The following KIAA0825 variants were observed in gnomAD, a reference collection of about 807,000 sequenced individuals.
The protein encoded by KIAA0825 is uncharacterized protein KIAA0825.
Under a neutral mutation model 147.6 loss-of-function variants are expected in KIAA0825, and 119 were observed. The ratio of observed to expected loss-of-function variants is 0.81; its 90% CI spans 0.69 to 0.94. The LOEUF is 0.94. Ranked by LOEUF, KIAA0825 falls within the 40% of genes least tolerant of loss-of-function variation. KIAA0825 has a pLI of 0.00. For synonymous variants in KIAA0825, 470 were observed against 518.1 expected (o/e 0.91, Z 1.26); for missense variants, 1,381 against 1,472.7 (o/e 0.94, Z 1.02).
At chr5:94,553,832 C>T (rs537739798) in intron 2 of KIAA0825, among the ~76,000 whole-genome samples, 74 of 151,794 alleles carry the variant, frequency 4.9e-4, no homozygotes, top group Non-Finnish European at 7.4e-4. Context: ...AGATTAGGCT[C>T]TCAGTTTTCT....
At position 94,164,394 on chromosome 5, in the gene KIAA0825, C is replaced by A. The variant is rs992018477; in HGVS notation, c.3711-10270G>T. Among the ~76,000 whole-genome samples the A allele has an allele frequency of 2.0e-5, 3 of 151,854 alleles. No individual in the cohort carries two copies. In the East Asian group the frequency reaches 5.8e-4, roughly 29 times the overall value. On this transcript the variant is annotated intron_variant, in intron 20 of 20. Coordinates refer to ENST00000682413, the MANE Select transcript of KIAA0825 (RefSeq NM_001145678.3). ...ACAGAATAGAGAACTCAGAAACAAT[C>A]CACACACCTACAGTGAACTTATTTT...
intron 20 of KIAA0825, among the ~76,000 whole-genome samples, chr5:94,271,107 CACA>C (rs1296684463): frequency 2.0e-5 from 3 of 152,084 alleles, no homozygotes; most frequent in East Asian, 1.9e-4. Flanking sequence ...TATCATTGTG[CACA>C]ACAACAACAA....
At position 94,419,029 on chromosome 5, in the gene KIAA0825, C is replaced by T. The variant is rs556558440; in HGVS notation, c.2498-1664G>A. Among the ~76,000 whole-genome samples the T allele has an allele frequency of 5.9e-5, 9 of 152,204 alleles. No individual in the cohort carries two copies. The South Asian group carries it at 1.9e-3, about 32-fold the overall frequency. ...AGTAGGTCTAAGGTGTGCATCACCA[C>T]ACCCAGCTAATTCTTTTTTGTTTTA... is the stretch of plus-strand genomic sequence containing the variant. On this transcript the variant is annotated intron_variant, in intron 14 of 20. Coordinates refer to ENST00000682413, the MANE Select transcript of KIAA0825 (RefSeq NM_001145678.3).
intron 10 of KIAA0825, among the ~76,000 whole-genome samples, chr5:94,466,871 C>T (rs1267793866): frequency 2.0e-5 from 3 of 151,426 alleles, no homozygotes; most frequent in African/African-American, 4.9e-5. Flanking sequence ...GGAGTTTTAA[C>T]GCTTGGTTCT....
At chr5:94,503,547 G>A (rs1372473997) in intron 5 of KIAA0825, among the ~76,000 whole-genome samples, 1 of 152,072 alleles carries the variant, frequency 6.6e-6, no homozygotes, top group Non-Finnish European at 1.5e-5. Context: ...AGACCCCACT[G>A]CCTTACAAAT....
rs190339914 is a variant in KIAA0825, at chr5:94,482,452, G to T, written c.1132+2317C>A. 2.0e-5 allele frequency among the ~76,000 whole-genome samples: 3 copies of T among 151,914 alleles called. No homozygotes were observed. In the South Asian group the frequency reaches 6.2e-4, roughly 32 times the overall value. On this transcript the variant is annotated intron_variant, in intron 6 of 20. Transcript: ENST00000682413. ...AATATGCTCCAATCAAAATAAACACGCAGGAAACCAAATGACTTCCTCTCT... is the reference window on the plus strand; with the variant it reads ...AATATGCTCCAATCAAAATAAACACTCAGGAAACCAAATGACTTCCTCTCT...
intron 20 of KIAA0825, among the ~76,000 whole-genome samples, chr5:94,236,608 T>C (rs1387268984): frequency 6.6e-6 from 1 of 152,192 alleles, no homozygotes; most frequent in Non-Finnish European, 1.5e-5. Context: ...CTACTGTGGG[T>C]AAAATGCTGT....
At chr5:94,593,214 G>A in intron 1 of KIAA0825, 1 of 758,346 alleles carries the variant, frequency 1.3e-6, no homozygotes, top group Non-Finnish European at 2.5e-6. Flanking sequence ...GGCTAGAAAG[G>A]TTTGATATTA....
intron 17 of KIAA0825, among the ~76,000 whole-genome samples, chr5:94,394,312 T>C (rs1313247462): frequency 6.6e-6 from 1 of 152,190 alleles, no homozygotes; most frequent in Middle Eastern, 3.2e-3. Flanking sequence ...ATTTCAGAAA[T>C]TGAGAAAGAT....
chr5:94,412,057 T>C (rs2150681987), intron 15 of KIAA0825, among the ~76,000 whole-genome samples: 1 of 152,236 alleles, frequency 6.6e-6, no homozygotes, highest in East Asian at 1.9e-4. Flanking sequence ...GGAAATTTTA[T>C]CAATATATGT....
intron 13 of KIAA0825, among the ~76,000 whole-genome samples, chr5:94,443,381 C>T (rs1456047840): frequency 6.6e-6 from 1 of 151,376 alleles, no homozygotes; most frequent in South Asian, 2.1e-4. Flanking sequence ...CACACACACA[C>T]ACGTATGTAT....
At chr5:94,398,549 A>T (rs916297538) in intron 16 of KIAA0825, among the ~76,000 whole-genome samples, 2 of 152,118 alleles carry the variant, frequency 1.3e-5, no homozygotes, top group East Asian at 3.8e-4. Flanking sequence ...TGAGTATATT[A>T]TATATATGAC....
chr5:94,254,292 A>G (rs530338395), intron 20 of KIAA0825, among the ~76,000 whole-genome samples: 3 of 152,324 alleles, frequency 2.0e-5, no homozygotes, highest in Admixed American at 1.3e-4. Flanking sequence ...ATAGTATCCA[A>G]TTAGCTCAGT....
chr5:94,562,856 G>A (rs2152295953), intron 2 of KIAA0825, among the ~76,000 whole-genome samples: 1 of 152,210 alleles, frequency 6.6e-6, no homozygotes, highest in Admixed American at 6.5e-5. Flanking sequence ...ATAGTATGTA[G>A]GTATAGACTG....
intron 20 of KIAA0825, among the ~76,000 whole-genome samples, chr5:94,190,324 T>C (rs1240587638): frequency 6.6e-6 from 1 of 151,952 alleles, no homozygotes; most frequent in Non-Finnish European, 1.5e-5. Context: ...TTTTTGTTTG[T>C]TTGTTTGTTT....
intron 7 of KIAA0825, among the ~76,000 whole-genome samples, chr5:94,475,803 T>C (rs1413078086): frequency 1.3e-5 from 2 of 151,940 alleles, no homozygotes; most frequent in Admixed American, 1.3e-4. Flanking sequence ...AGTGATACTA[T>C]GTCTCAAAAA....
rs17379264 is a variant in KIAA0825, at chr5:94,464,955, T to C, written c.1977A>G (p.Leu659=). 0.017 allele frequency: 26,251 copies of C among 1,551,666 alleles called. 242 individuals are homozygous for C. The highest frequency in any genetic ancestry group is 0.021 in the Middle Eastern group (127 of 5,992). Residue 659 remains leucine (L), a synonymous_variant, in exon 11 of 21, where the codon CTA becomes CTG. Transcript: ENST00000682413. ...TCAAAGATTTCTCCAGCACTTCCAC[T>C]AGAATCTCCTGGGCTAACTTAGGAG... ...ILPPKLAQEI[L]VEVLEKSLSL... is the part of the protein sequence containing the mutation.
At chr5:94,514,047 G>T (rs894641519) in intron 5 of KIAA0825, among the ~76,000 whole-genome samples, 1 of 151,966 alleles carries the variant, frequency 6.6e-6, no homozygotes, top group Non-Finnish European at 1.5e-5. Context: ...ATTTTTGGGT[G>T]GTGATATAGC....
chr5:94,569,432 A>G (rs1779435731), intron 2 of KIAA0825: 2 of 405,842 alleles, frequency 4.9e-6, no homozygotes, highest in Admixed American at 8.9e-5. Context: ...CCCCATTACT[A>G]AAACCACACT....
Sources: gnomAD v4.1 joint callset for allele counts (sites outside exome capture counted in the v4.1 genomes callset) on GRCh38, gnomAD v4.1.1 for gene constraint, MANE v1.5 for transcripts, NCBI Gene and HGNC (gene_info 2026-07-23, HGNC 2026-07-21) for gene names.